Variants in ACAN observed in about 807,000 individuals in gnomAD.
ACAN encodes aggrecan core protein.
ACAN carries 47 observed loss-of-function variants against 169.1 expected under a neutral mutation model. The observed-to-expected ratio is 0.28, with a 90% CI of 0.22 to 0.35. The LOEUF is 0.35. Among genes scored for constraint, ACAN ranks in the 10% least tolerant of loss-of-function variants. ACAN has a pLI of 1.00. For missense variants in ACAN, 2,716 were observed against 2,759.9 expected, an observed-to-expected ratio of 0.98 and a Z score of 0.36; for synonymous variants, 1,115 against 1,112.2, an observed-to-expected ratio of 1.00 and a Z score of -0.05.
At position 88,863,806 on chromosome 15, in the gene ACAN, A is replaced by G. The variant is rs554674658; in HGVS notation, c.6946+3367A>G. On this transcript the variant is annotated intron_variant, in intron 13 of 18. Coordinates refer to ENST00000560601, the MANE Select transcript of ACAN (RefSeq NM_001369268.1). ...TGAAAATATAGGGTTGCAAGTGAAA[A>G]TACAAAGTATGCCTTCTTGACTTAA... 5.2e-5 allele frequency among the ~76,000 whole-genome samples: 8 copies of G among 152,390 alleles called. No homozygotes were observed. The South Asian group carries it at 1.4e-3, about 28-fold the overall frequency.
At chr15:88,815,031 A>G (rs572477848) in intron 1 of ACAN, among the ~76,000 whole-genome samples, 8 of 88,570 alleles carry the variant, frequency 9.0e-5, no homozygotes, top group South Asian at 3.2e-4. Flanking sequence ...TGGACCCCAG[A>G]AAAAAAAAAA....
At chr15:88,829,616 T>C (rs1435062019) in intron 1 of ACAN, among the ~76,000 whole-genome samples, 6 of 152,180 alleles carry the variant, frequency 3.9e-5, no homozygotes, top group African/African-American at 1.4e-4. Context: ...AAAGGTGCTA[T>C]TGGGAGATTA....
intron 1 of ACAN, among the ~76,000 whole-genome samples, chr15:88,815,687 G>A (rs1895925195): frequency 1.5e-5 from 2 of 134,188 alleles, no homozygotes; most frequent in South Asian, 2.6e-4. Context: ...AAAAGAAGGA[G>A]CCATTGAGAT....
rs1246618380 is a variant in ACAN, at chr15:88,840,174, A to G, written c.617A>G (p.Asp206Gly). The G allele has an allele frequency of 1.3e-6, 2 of 1,598,774 alleles. No individual in the cohort carries two copies. Among genetic ancestry groups the G allele is most frequent in the South Asian group, 2.3e-5 (2 of 88,540 alleles). ...CAGTGTGACGCCGGCTGGCTGGCTG[A>G]CCAGACTGTCAGGTGAGCCCTAGCC... Reference protein sequence around the residue: ...FHQCDAGWLADQTVRYPIHTP... With the variant: ...FHQCDAGWLAGQTVRYPIHTP... Residue 206 changes from aspartate (D) to glycine (G), a missense_variant, in exon 4 of 19, where the codon GAC (aspartate) becomes GGC (glycine). Physicochemically the swap from Asp to Gly is moderately conservative, Grantham distance 94. Transcript: ENST00000560601.
Position 88,807,471 on chromosome 15 carries a change from G to A in ACAN, c.-8+3662G>A, listed in dbSNP as rs749103900. Among the ~76,000 whole-genome samples, 7 of 152,170 alleles carry A rather than the reference G, an allele frequency of 4.6e-5. No homozygotes were observed. The highest frequency in any genetic ancestry group is 4.4e-5 in the Non-Finnish European group (3 of 68,034). On this transcript the variant is annotated intron_variant, in intron 1 of 18. Transcript: ENST00000560601. This position sits in a 1 kb window ranked among gnomAD's most constrained non-coding sequence, Gnocchi z 4.0. Reference sequence around the variant, plus strand: ...CGTTTCTGTGACAGCTACTTTGGGAGTGGCAGCTCCCCTTCCCCCAGATCC... The same window carrying A: ...CGTTTCTGTGACAGCTACTTTGGGAATGGCAGCTCCCCTTCCCCCAGATCC...
At chr15:88,850,653 T>A (rs1896909433) in intron 10 of ACAN, 1 of 152,134 alleles carries the variant, frequency 6.6e-6, no homozygotes, top group Non-Finnish European at 1.5e-5. Flanking sequence ...TAAAACCCAA[T>A]TCAAGGCCAG....
At chr15:88,854,343 G>T (rs1327800432) in intron 11 of ACAN, among the ~76,000 whole-genome samples, 3 of 152,196 alleles carry the variant, frequency 2.0e-5, no homozygotes, top group Non-Finnish European at 4.4e-5. Flanking sequence ...CAGTGGGGCT[G>T]GGGTGAGGTC....
rs970863481 is a variant in ACAN, at chr15:88,851,188, A to G, written c.2027-606A>G. The G allele has an allele frequency of 6.5e-6, 1 of 153,740 alleles. No individual in the cohort carries two copies. The highest frequency in any genetic ancestry group is 6.4e-5 in the Admixed American group (1 of 15,508). The allele number at this position is 153,740 out of a possible 1,614,324, so 9.5% of individuals were successfully genotyped here. The stretch of plus-strand genomic sequence containing the variant: ...TTCAGCTTCCTTGCTGACCAAGCCC[A>G]CTGCTGGTTTCCCCCACACCAGTAC... On this transcript the variant is annotated intron_variant, in intron 10 of 18. Coordinates refer to ENST00000560601, the MANE Select transcript of ACAN (RefSeq NM_001369268.1). The surrounding 1 kb of genome is among the most constrained non-coding windows in gnomAD (Gnocchi z 4.3).
chr15:88,832,883 G>T (rs2141547919), intron 1 of ACAN, among the ~76,000 whole-genome samples: 1 of 152,338 alleles, frequency 6.6e-6, no homozygotes, highest in South Asian at 2.1e-4. Flanking sequence ...CTTGCTGAGT[G>T]CCAGAGCCTG....
Position 88,855,017 on chromosome 15 carries a change from C to A in ACAN, c.2432C>A (p.Pro811Gln). The A allele has an allele frequency of 6.3e-7, 1 of 1,594,272 alleles. No homozygotes were observed. Residue 811 changes from proline (P) to glutamine (Q), a missense_variant, in exon 12 of 19, where the codon CCA becomes CAA. By Grantham distance (76) the Pro-to-Gln change is moderately conservative. Around this residue, in one of 3 missense-constraint regions of ACAN, gnomAD observed 1,283 missense variants for 1,281.5 expected, o/e 1.00. Transcript: ENST00000560601. Reference sequence around the variant, plus strand: ...GAGGAACCATTCCCCTCAGTGAGGCCATTCCCCTCAGTGGAGCTGTTCCCC... The same window carrying A: ...GAGGAACCATTCCCCTCAGTGAGGCAATTCCCCTCAGTGGAGCTGTTCCCC... ...PSEEPFPSVR[P>Q]FPSVELFPSE... is the part of the protein sequence containing the mutation.
chr15:88,842,530 G>T (rs1438675209), intron 5 of ACAN, among the ~76,000 whole-genome samples: 2 of 137,708 alleles, frequency 1.5e-5, no homozygotes, highest in African/African-American at 5.4e-5. Context: ...CCCCCTACCT[G>T]AGCACAGTGC....
chr15:88,849,705 C>G lies in ACAN; in HGVS notation c.2000C>G (p.Ser667Cys). 4 of 1,613,870 alleles carry G rather than the reference C, an allele frequency of 2.5e-6. No homozygotes were observed. Among genetic ancestry groups the G allele is most frequent in the Non-Finnish European group, 3.4e-6 (4 of 1,179,876 alleles). ...CAGACGGGCCTCCCAGACCCACTGT[C>G]CCGGCACCATGCCTTCTGCTTCCGA... ...PNQTGLPDPL[S>C]RHHAFCFRGI... Residue 667 changes from serine (S) to cysteine (C), a missense_variant, in exon 10 of 19, where the codon TCC becomes TGC. Coordinates refer to ENST00000560601, the MANE Select transcript of ACAN (RefSeq NM_001369268.1). The surrounding 1 kb of genome is among the most constrained non-coding windows in gnomAD (Gnocchi z 5.1).
chr15:88,836,708 C>G (rs1430758280), intron 2 of ACAN, among the ~76,000 whole-genome samples: 1 of 152,250 alleles, frequency 6.6e-6, no homozygotes, highest in African/African-American at 2.4e-5. Context: ...AGAAAAGCCC[C>G]AGGGAATCAG....
At chr15:88,825,858 C>A (rs570494725) in intron 1 of ACAN, among the ~76,000 whole-genome samples, 28 of 152,350 alleles carry the variant, frequency 1.8e-4, no homozygotes, top group African/African-American at 6.3e-4. Flanking sequence ...CTCACACAGG[C>A]CTTCGGCAAA....
rs753158638 is a variant in ACAN, at chr15:88,873,056, G to A, written c.7447+31G>A. 38 of 1,604,940 alleles carry A rather than the reference G, an allele frequency of 2.4e-5. No individual in the cohort carries two copies. The East Asian group carries it at 8.5e-4, about 36-fold the overall frequency. On this transcript the variant is annotated intron_variant, in intron 17 of 18. Transcript: ENST00000560601. This position sits in a 1 kb window ranked among gnomAD's most constrained non-coding sequence, Gnocchi z 7.5. ...CTGGCGCCTGGGAGGGGTCAGGGGA[G>A]GATAGGATCAAGACCTCCAGCTACA...
rs900818796 is a variant in ACAN, at chr15:88,870,439, T to G, written c.7061-943T>G. Among the ~76,000 whole-genome samples, 2 of 152,142 alleles carry G rather than the reference T, an allele frequency of 1.3e-5. No homozygotes were observed. The highest frequency in any genetic ancestry group is 2.9e-5 in the Non-Finnish European group (2 of 68,024). The stretch of plus-strand genomic sequence containing the variant: ...GCAGATGTTTAACAACCAGCTCTCA[T>G]AGAGGAGAAAGGAGCCCTGATTGTA... On this transcript the variant is annotated intron_variant, in intron 14 of 18. Transcript: ENST00000560601. The surrounding 1 kb of genome is among the most constrained non-coding windows in gnomAD (Gnocchi z 6.3).
chr15:88,873,763 C>G lies in ACAN; in HGVS notation c.7448-79C>G. ...TCAGATGTTGAGGCTGTGTCCCCCA[C>G]AGTGCCTCGGGTCACAACCAGCATA... On this transcript the variant is annotated intron_variant, in intron 17 of 18. Coordinates refer to ENST00000560601, the MANE Select transcript of ACAN (RefSeq NM_001369268.1). This position sits in a 1 kb window ranked among gnomAD's most constrained non-coding sequence, Gnocchi z 7.5. The G allele has an allele frequency of 1.4e-6, 2 of 1,462,510 alleles. No homozygotes were observed. The highest frequency in any genetic ancestry group is 2.5e-5 in the South Asian group (2 of 81,112). The allele number at this position is 1,462,510 out of a possible 1,614,324, so 90.6% of individuals were successfully genotyped here.
chr15:88,826,428 G>A (rs1896223533), intron 1 of ACAN, among the ~76,000 whole-genome samples: 2 of 138,828 alleles, frequency 1.4e-5, no homozygotes, highest in African/African-American at 5.6e-5. Flanking sequence ...AGGACACTGT[G>A]GAAGAGCCAC....
Position 88,857,742 on chromosome 15 carries a change from A to C in ACAN, c.5157A>C (p.Ala1719=). 1 of 1,613,904 alleles carries C rather than the reference A, an allele frequency of 6.2e-7. No homozygotes were observed. The change falls in exon 12 of 19, where the codon GCA becomes GCC. Residue 1719 remains alanine (A), a synonymous_variant. Transcript: ENST00000560601. The part of the protein sequence containing the change: ...LPSGTELSGQ[A]SGSPDVSGEI... ...CAGGAACTGAACTCAGTGGCCAAGC[A>C]TCTGGGTCTCCTGATGTCAGTGGGG...
Sources: gnomAD v4.1 joint callset for allele counts (sites outside exome capture counted in the v4.1 genomes callset) on GRCh38, gnomAD v4.1.1 for gene constraint, gnomAD v4.1.1 regional missense constraint, Gnocchi (gnomAD v3.1) non-coding constraint, MANE v1.5 for transcripts, NCBI Gene and HGNC (gene_info 2026-07-23, HGNC 2026-07-21) for gene names.